The following SCRN1 variants were observed in gnomAD, a reference collection of about 807,000 sequenced individuals.
The protein encoded by SCRN1 is secernin 1.
SCRN1 carries 19 observed loss-of-function variants against 43.3 expected under a neutral mutation model. The observed-to-expected ratio is 0.44, with a 90% CI of 0.31 to 0.64. SCRN1 has a LOEUF of 0.64. SCRN1 is among the 30% of genes least tolerant of loss of function. The probability of loss-of-function intolerance (pLI) is 0.09; values close to 1 mark genes in which losing one functional copy is unlikely to be tolerated. For synonymous variants in SCRN1, 183 were observed against 188.9 expected, an observed-to-expected ratio of 0.97 and a Z score of 0.26; for missense variants, 447 against 524.1, an observed-to-expected ratio of 0.85 and a Z score of 1.44.
At chr7:29,988,506 C>A (rs1341890742) in intron 1 of SCRN1, 3 of 152,348 alleles carry the variant, frequency 2.0e-5, no homozygotes, top group African/African-American at 7.2e-5. Context: ...CTCCCTGAGG[C>A]TTAAGTCAGG....
chr7:29,983,664 T>C (rs1379431328), intron 1 of SCRN1, among the ~76,000 whole-genome samples: 3 of 152,162 alleles, frequency 2.0e-5, no homozygotes, highest in African/African-American at 7.2e-5. Context: ...GCAAAGGATA[T>C]GTGGGATTAG....
chr7:29,939,576 A>C lies in SCRN1; in HGVS notation c.739+1106T>G, dbSNP rs375902151. 9.2e-5 allele frequency among the ~76,000 whole-genome samples: 14 copies of C among 152,286 alleles called. No individual in the cohort carries two copies. The East Asian group carries it at 2.3e-3, about 25-fold the overall frequency. On this transcript the variant is annotated intron_variant, in intron 5 of 7. Coordinates refer to ENST00000242059, the MANE Select transcript of SCRN1 (RefSeq NM_014766.5). ...GAAACTTTCCTGTTGCACCTGCTCA[A>C]CTCTGCCATTATAGTGAGAAAGCAG...
At chr7:29,976,188 A>G (rs1788831850) in intron 1 of SCRN1, among the ~76,000 whole-genome samples, 1 of 152,186 alleles carries the variant, frequency 6.6e-6, no homozygotes, top group Non-Finnish European at 1.5e-5. Flanking sequence ...ATTTTCTGAG[A>G]TGATAGAAAT....
At chr7:29,970,813 C>A (rs1317337131) in intron 1 of SCRN1, among the ~76,000 whole-genome samples, 1 of 152,232 alleles carries the variant, frequency 6.6e-6, no homozygotes, top group Non-Finnish European at 1.5e-5. Flanking sequence ...CCTTCAGGAT[C>A]TGATTCAAAA....
chr7:29,934,985 C>G (rs951418408), intron 6 of SCRN1, among the ~76,000 whole-genome samples: 1 of 152,234 alleles, frequency 6.6e-6, no homozygotes, highest in Non-Finnish European at 1.5e-5. Context: ...ACTGTTGTTC[C>G]TGCTTTTTAC....
In SCRN1 at chr7:29,967,471, C is replaced by T. The variant is rs548370885; in HGVS notation, c.159+1438G>A. On this transcript the variant is annotated intron_variant, in intron 2 of 7. Transcript: ENST00000242059. ...CTCAACTTCCTGGGCTCACGTGATC[C>T]TCTCACCTCAGCCTCCAGGGTAGCT... is the stretch of plus-strand genomic sequence containing the variant. Among the ~76,000 whole-genome samples, 5 of 150,962 alleles carry T rather than the reference C, an allele frequency of 3.3e-5. No individual in the cohort carries two copies. The East Asian group carries it at 7.8e-4, about 23-fold the overall frequency.
chr7:29,961,212 TGCGGCCTTCC>T (rs2128095599), intron 2 of SCRN1, among the ~76,000 whole-genome samples: 1 of 142,978 alleles, frequency 7.0e-6, no homozygotes, highest in African/African-American at 2.6e-5. Flanking sequence ...CAGAGGACCC[TGCGGCCTTCC>T]GCGGTGTTTG....
At chr7:29,966,256 C>A (rs371328593) in intron 2 of SCRN1, among the ~76,000 whole-genome samples, 3 of 151,516 alleles carry the variant, frequency 2.0e-5, no homozygotes, top group African/African-American at 7.3e-5. Flanking sequence ...ATCACTTCCA[C>A]CATGCTCCAC....
At chr7:29,986,717 A>ATTTTTTTTTTTTTTTTTTTTTTTTT (rs553845779) in intron 1 of SCRN1, among the ~76,000 whole-genome samples, 1 of 99,852 alleles carries the variant, frequency 1.0e-5, no homozygotes, top group African/African-American at 4.0e-5. Context: ...AATTTTTTTA[A>ATTTTTTTTTTTTTTTTTTTTTTTTT]TTTTTTTTTT....
upstream of SCRN1, chr7:29,990,079 G>T (rs1328337067): frequency 2.0e-6 from 3 of 1,535,190 alleles, no homozygotes; most frequent in Non-Finnish European, 2.6e-6. Flanking sequence ...GCTTCAAGGA[G>T]CCAGGCCCAG....
chr7:29,981,564 C>T (rs1788993334), intron 1 of SCRN1, among the ~76,000 whole-genome samples: 1 of 152,106 alleles, frequency 6.6e-6, no homozygotes, highest in Non-Finnish European at 1.5e-5. Context: ...GATCATGAAC[C>T]ATCTCAAGCT....
chr7:29,936,710 C>A lies in SCRN1; in HGVS notation c.751G>T (p.Val251Leu). 1 of 1,542,384 alleles carries A rather than the reference C, an allele frequency of 6.5e-7. No individual in the cohort carries two copies. Among genetic ancestry groups the A allele is most frequent in the South Asian group, 1.2e-5 (1 of 81,070 alleles). Residue 251 changes from valine (V) to leucine (L), a missense_variant, in exon 6 of 8, where the codon GTG becomes TTG. Physicochemically the swap from Val to Leu is conservative, Grantham distance 32. Transcript: ENST00000242059. ...SLEKQEESIT[V>L]QTMMNTLRDK... ...CGTAAGGTGTTCATCATAGTCTGCA[C>A]TGTGATGCTTTCTGCAAAAACACAA...
chr7:29,978,598 C>G (rs1315734360), intron 1 of SCRN1, among the ~76,000 whole-genome samples: 1 of 152,132 alleles, frequency 6.6e-6, no homozygotes, highest in East Asian at 1.9e-4. Context: ...GCCAGAGTTT[C>G]CTCATATACA....
chr7:29,971,802 G>A (rs1350781286), intron 1 of SCRN1, among the ~76,000 whole-genome samples: 1 of 151,994 alleles, frequency 6.6e-6, no homozygotes, highest in African/African-American at 2.4e-5. Flanking sequence ...TCTTTGTATG[G>A]GACTGTATTG....
intron 3 of SCRN1, among the ~76,000 whole-genome samples, chr7:29,949,264 G>A (rs1224916237): frequency 2.7e-5 from 4 of 150,562 alleles, no homozygotes; most frequent in Non-Finnish European, 4.4e-5. Context: ...GCAGTGAGCC[G>A]AGATGGTGCC....
Position 29,921,766 on chromosome 7 carries a change from A to G in SCRN1, c.*2191T>C, listed in dbSNP as rs1222128202. On this transcript the variant is annotated 3_prime_UTR_variant, in exon 8 of 8. Coordinates refer to ENST00000242059, the MANE Select transcript of SCRN1 (RefSeq NM_014766.5). ...GTGTTTCCCAATGGGTAATGACATAAAGCGGGTAGGGTTATCCATGGCCTT... is the reference window on the plus strand; with the variant it reads ...GTGTTTCCCAATGGGTAATGACATAGAGCGGGTAGGGTTATCCATGGCCTT... 2 of 152,230 alleles carry G rather than the reference A, an allele frequency of 1.3e-5. No individual in the cohort carries two copies. Among genetic ancestry groups the G allele is most frequent in the East Asian group, 1.9e-4 (1 of 5,208 alleles). 9.4% of individuals were successfully genotyped at this position (152,230 alleles called of 1,614,324 possible).
Position 29,955,193 on chromosome 7 carries a change from C to T in SCRN1, c.327G>A (p.Gly109=), listed in dbSNP as rs1399994201. 1.2e-6 allele frequency: 2 copies of T among 1,613,990 alleles called. No homozygotes were observed. The highest frequency in any genetic ancestry group is 1.7e-6 in the Non-Finnish European group (2 of 1,179,992). The change falls in exon 3 of 8, where the codon GGG becomes GGA. Residue 109 remains glycine (G), a synonymous_variant. Transcript: ENST00000242059. The part of the protein sequence containing the change: ...EPAAEIEALL[G]MDLVRLGLER... ...CCATGCAGTACCTGACCAGATCCAT[C>T]CCCAGCAAGGCTTCTATCTCGGCAG...
chr7:29,966,267 C>G (rs1215984382), intron 2 of SCRN1, among the ~76,000 whole-genome samples: 1 of 151,576 alleles, frequency 6.6e-6, no homozygotes, highest in Admixed American at 6.6e-5. Context: ...CATGCTCCAC[C>G]GGTCAGAGCA....
intron 1 of SCRN1, among the ~76,000 whole-genome samples, chr7:29,977,933 C>T (rs1307101164): frequency 2.6e-5 from 4 of 152,212 alleles, no homozygotes; most frequent in South Asian, 2.1e-4. Flanking sequence ...GAGAAGGATA[C>T]GTGATGAAAG....
Sources: gnomAD v4.1 joint callset for allele counts (sites outside exome capture counted in the v4.1 genomes callset) on GRCh38, gnomAD v4.1.1 for gene constraint, MANE v1.5 for transcripts, NCBI Gene and HGNC (gene_info 2026-07-23, HGNC 2026-07-21) for gene names.